Variants in ZNF442 observed in about 807,000 individuals in gnomAD.
ZNF442 encodes zinc finger protein 442.
Under a neutral mutation model 57.0 loss-of-function variants are expected in ZNF442, and 45 were observed. The observed-to-expected ratio is 0.79, with a 90% CI of 0.62 to 1.01. The LOEUF (loss-of-function observed/expected upper bound fraction) is 1.01. Ranked by LOEUF, ZNF442 falls within the 50% of genes least tolerant of loss-of-function variation. The pLI, the probability that ZNF442 is intolerant of heterozygous loss-of-function variation, is 0.00. For missense variants in ZNF442, 690 were observed against 756.5 expected (o/e 0.91, Z 1.03); for synonymous variants, 213 against 241.8 (o/e 0.88, Z 1.10).
rs768804109 is a variant in ZNF442 at position 12,350,208 on chromosome 19, T to C, written c.1377A>G (p.Lys459=). The change falls in exon 6 of 6, where the codon AAA becomes AAG. Residue 459 remains lysine, a synonymous_variant. Coordinates refer to ENST00000242804, the MANE Select transcript of ZNF442 (RefSeq NM_030824.3). ...RRHETTHTGE[K]PYKCKCGKAF... ...CTTTCCCACATTTACATTTATAGGG[T>C]TTCTCTCCAGTGTGAGTTGTTTCAT... 1.9e-6 allele frequency: 3 copies of C among 1,613,198 alleles called. No homozygotes were observed. The Admixed American group carries it at 5.0e-5, about 27-fold the overall frequency.
chr19:12,354,943 A>C (rs2144823520), intron 3 of ZNF442, among the ~76,000 whole-genome samples: 1 of 152,308 alleles, frequency 6.6e-6, no homozygotes, highest in African/African-American at 2.4e-5. Flanking sequence ...GTGAACAAAA[A>C]GTTATATGAA....
chr19:12,356,448 C>T (rs184499552), intron 3 of ZNF442, among the ~76,000 whole-genome samples: 14 of 152,024 alleles, frequency 9.2e-5, no homozygotes, highest in Admixed American at 9.2e-4. Context: ...AGCAACATGG[C>T]GAAAACCTGT....
At chr19:12,359,259 C>T (rs112453008) in intron 3 of ZNF442, among the ~76,000 whole-genome samples, 1,809 of 152,252 alleles carry the variant, frequency 0.012, 14 homozygotes, top group Non-Finnish European at 0.017. Context: ...AATGCAAAAC[C>T]AGGCTGCTGA....
chr19:12,356,636 A>AAAAAAAAAAAAG (rs1032081069), intron 3 of ZNF442, among the ~76,000 whole-genome samples: 7 of 151,662 alleles, frequency 4.6e-5, no homozygotes, highest in African/African-American at 1.7e-4. Context: ...TCAAAAAAAA[A>AAAAAAAAAAAAG]AGAGAGAGAG....
chr19:12,367,792 C>A (rs1017789665), upstream of ZNF442, among the ~76,000 whole-genome samples: 1 of 152,088 alleles, frequency 6.6e-6, no homozygotes, highest in Non-Finnish European at 1.5e-5. Flanking sequence ...CCTAAGCCTC[C>A]CAAGTAGCTG....
the ZNF442 span, among the ~76,000 whole-genome samples, chr19:12,371,086 A>C: frequency 6.6e-6 from 1 of 152,220 alleles, no homozygotes; most frequent in East Asian, 1.9e-4. Context: ...CAAAAGTACC[A>C]GATATAAAAG....
At chr19:12,372,909 G>C in the ZNF442 span, among the ~76,000 whole-genome samples, 1 of 152,146 alleles carries the variant, frequency 6.6e-6, no homozygotes, top group African/African-American at 2.4e-5. Flanking sequence ...GAGTAGATGG[G>C]ACTATAGGCA....
At position 12,349,933 on chromosome 19, in the gene ZNF442, T is replaced by C; in HGVS notation, c.1652A>G (p.Lys551Arg). 6.2e-7 allele frequency: 1 copy of C among 1,614,188 alleles called. No homozygotes were observed. The highest frequency in any genetic ancestry group is 1.1e-5 in the South Asian group (1 of 91,084). Residue 551 changes from lysine (K) to arginine (R), a missense_variant, in exon 6 of 6, where the codon AAA (lysine) becomes AGA (arginine). Lys to Arg is a conservative substitution (Grantham distance 26, BLOSUM62 2). Transcript: ENST00000242804. Reference protein sequence around the residue: ...EKPYECKECRKAFSWLTCLLR... With the variant: ...EKPYECKECRRAFSWLTCLLR... ...AAGGCAAGTGAGCCAAGAGAATGCT[T>C]TCCTGCATTCCTTACATTCATATGG... is the stretch of plus-strand genomic sequence containing the variant.
intron 2 of ZNF442, among the ~76,000 whole-genome samples, chr19:12,364,131 G>T (rs1969490372): frequency 6.6e-6 from 1 of 152,098 alleles, no homozygotes; most frequent in Non-Finnish European, 1.5e-5. Context: ...AGCCGGCCGG[G>T]CGCGGTGGTC....
Position 12,352,046 on chromosome 19 carries a change from A to C in ZNF442, c.230T>G (p.Ile77Ser), listed in dbSNP as rs1568486961. The change falls in exon 5 of 6, where the codon ATT becomes AGT. Residue 77 changes from isoleucine (I) to serine (S), a missense_variant. Coordinates refer to ENST00000242804, the MANE Select transcript of ZNF442 (RefSeq NM_030824.3). ...CIGMKWEDTN[I>S]EDQHRNPRRS... ...CCTGGGATTTCTGTGCTGATCTTCA[A>C]TGTTTGTGTCTTCCCATTTCATTCC... is the stretch of plus-strand genomic sequence containing the variant. The C allele has an allele frequency of 2.5e-6, 4 of 1,613,796 alleles. No individual in the cohort carries two copies. The highest frequency in any genetic ancestry group is 1.3e-5 in the African/African-American group (1 of 75,030).
At position 12,348,005 on chromosome 19, in the gene ZNF442, C is replaced by T. The variant is rs1969153729; in HGVS notation, c.*1696G>A. On this transcript the variant is annotated 3_prime_UTR_variant, in exon 6 of 6. Transcript: ENST00000242804. ...GATGTGACACTTGAAACATGTGCAG[C>T]AGTTTTTGGGGCATCTACAGCCTCT... 1.3e-5 allele frequency: 2 copies of T among 152,116 alleles called. No homozygotes were observed. The allele number at this position is 152,116 out of a possible 1,614,324, so 9.4% of individuals were successfully genotyped here.
chr19:12,361,884 T>A (rs959234904), intron 3 of ZNF442, among the ~76,000 whole-genome samples: 18 of 152,136 alleles, frequency 1.2e-4, no homozygotes, highest in Non-Finnish European at 1.5e-4. Flanking sequence ...CACGCCTGAC[T>A]GGTTTTCATA....
rs1969217396 is a variant in ZNF442 at position 12,350,788 on chromosome 19, TC to T, written c.796del (p.Glu266AsnfsTer16). On this transcript the variant is annotated frameshift_variant, in exon 6 of 6. Coordinates refer to ENST00000242804, the MANE Select transcript of ZNF442 (RefSeq NM_030824.3). LOFTEE classifies it high-confidence loss of function. ...ERTHTGEKPY[E>X]CKHCSKAFPD... Reference sequence around the variant, plus strand: ...GAAGGCTTTGGAACAGTGCTTGCATTCATATGGTTTCTCCCCAGTGTGTGTT... The same window carrying T: ...GAAGGCTTTGGAACAGTGCTTGCATTATATGGTTTCTCCCCAGTGTGTGTT... 6.2e-7 allele frequency: 1 copy of T among 1,613,980 alleles called. No individual in the cohort carries two copies. The highest frequency in any genetic ancestry group is 8.5e-7 in the Non-Finnish European group (1 of 1,180,022).
chr19:12,355,213 C>A (rs1969306877), intron 3 of ZNF442, among the ~76,000 whole-genome samples: 1 of 148,496 alleles, frequency 6.7e-6, no homozygotes, highest in South Asian at 2.2e-4. Flanking sequence ...ATGGCGTGAA[C>A]CCAAGAGGCG....
chr19:12,361,723 C>T (rs1471960838), intron 3 of ZNF442, among the ~76,000 whole-genome samples: 1 of 145,988 alleles, frequency 6.8e-6, no homozygotes, highest in Non-Finnish European at 1.5e-5. Flanking sequence ...CGGTCTCCCT[C>T]TCCCTCTCCC....
rs1379807237 is a variant in ZNF442, at chr19:12,351,240, T to A, written c.345A>T (p.Pro115=). Residue 115 remains proline (P), a synonymous_variant, in exon 6 of 6, where the codon CCA becomes CCT. Coordinates refer to ENST00000242804, the MANE Select transcript of ZNF442 (RefSeq NM_030824.3). Reference sequence around the variant, plus strand: ...TTTCTCCACACACACTGCTTTTACATGGATCTACTCCAGGAGGTTTTTCAT... The same window carrying A: ...TTTCTCCACACACACTGCTTTTACAAGGATCTACTCCAGGAGGTTTTTCAT... ...TVNEKPPGVD[P]CKSSVCGEIM... 1 of 1,614,070 alleles carries A rather than the reference T, an allele frequency of 6.2e-7. No individual in the cohort carries two copies. Among genetic ancestry groups the A allele is most frequent in the Non-Finnish European group, 8.5e-7 (1 of 1,180,034 alleles).
chr19:12,373,517 G>C, the ZNF442 span: 1 of 153,572 alleles, frequency 6.5e-6, no homozygotes, highest in Non-Finnish European at 1.5e-5. Context: ...ACTCCAGCCT[G>C]GGTGACAAAG....
At chr19:12,353,923 A>C (rs78797107) in intron 3 of ZNF442, among the ~76,000 whole-genome samples, 1,839 of 152,278 alleles carry the variant, frequency 0.012, 30 homozygotes, top group African/African-American at 0.042. Flanking sequence ...CTCCCTCATC[A>C]CATGACGCCC....
intron 3 of ZNF442, among the ~76,000 whole-genome samples, chr19:12,359,423 C>T (rs1353926235): frequency 2.0e-5 from 3 of 152,026 alleles, no homozygotes; most frequent in Non-Finnish European, 2.9e-5. Flanking sequence ...TAGATTATGC[C>T]CCTCCCCCCT....
Sources: gnomAD v4.1 joint callset for allele counts (sites outside exome capture counted in the v4.1 genomes callset) on GRCh38, gnomAD v4.1.1 for gene constraint, MANE v1.5 for transcripts, NCBI Gene and HGNC (gene_info 2026-07-23, HGNC 2026-07-21) for gene names.